RANBP2: variants seen among roughly 807,000 people sequenced by gnomAD.
The protein encoded by RANBP2 is E3 SUMO-protein ligase RanBP2.
In RANBP2, 57 loss-of-function variants were observed where a neutral mutation model predicts 303.6. That is an observed-to-expected ratio of 0.19 (90% confidence interval 0.15 to 0.23). The LOEUF is 0.23. Ranked by LOEUF, RANBP2 falls within the 10% of genes least tolerant of loss-of-function variation. RANBP2 has a pLI of 1.00. For missense variants in RANBP2, 3,138 were observed against 3,780.8 expected, an observed-to-expected ratio of 0.83 and a Z score of 4.46; for synonymous variants, 1,167 against 1,301.5, an observed-to-expected ratio of 0.90 and a Z score of 2.23.
chr2:109,447,379 G>A, the RANBP2 span, among the ~76,000 whole-genome samples: 1 of 152,034 alleles, frequency 6.6e-6, no homozygotes, highest in African/African-American at 2.4e-5. Context: ...TACTTCCCGT[G>A]GCCTCCAAAC....
the RANBP2 span, chr2:109,760,392 C>A: frequency 2.5e-6 from 1 of 401,898 alleles, no homozygotes. Context: ...GGGGGCCAGG[C>A]GGGGCGGGGG....
the RANBP2 span, among the ~76,000 whole-genome samples, chr2:108,942,059 C>T: frequency 5.9e-5 from 9 of 152,212 alleles, no homozygotes; most frequent in Non-Finnish European, 1.2e-4. Flanking sequence ...GGGCTTCTTC[C>T]GGAACCTGTG....
intron 6 of RANBP2, among the ~76,000 whole-genome samples, chr2:108,739,601 G>A (rs1695907076): frequency 2.0e-5 from 3 of 152,098 alleles, no homozygotes; most frequent in Admixed American, 2.0e-4. Flanking sequence ...CATGCTTCAC[G>A]TTTAAGTGTT....
At chr2:109,011,873 C>T in the RANBP2 span, among the ~76,000 whole-genome samples, 12 of 151,682 alleles carry the variant, frequency 7.9e-5, no homozygotes, top group African/African-American at 1.2e-4. Flanking sequence ...TATGTGTGTG[C>T]GTGTATGTGT....
chr2:109,191,385 G>A, the RANBP2 span, among the ~76,000 whole-genome samples: 1 of 152,234 alleles, frequency 6.6e-6, no homozygotes, highest in Non-Finnish European at 1.5e-5. Flanking sequence ...GGTCAGCTTA[G>A]TCTCTTGCAT....
At chr2:109,693,792 C>T in the RANBP2 span, among the ~76,000 whole-genome samples, 1 of 152,114 alleles carries the variant, frequency 6.6e-6, no homozygotes, top group Non-Finnish European at 1.5e-5. Context: ...CTCATGTCTC[C>T]CTAAAATTTA....
chr2:109,471,324 A>T, the RANBP2 span, among the ~76,000 whole-genome samples: 13 of 152,242 alleles, frequency 8.5e-5, no homozygotes, highest in African/African-American at 3.1e-4. Context: ...ACTTACAATC[A>T]TGGCGGAAGG....
the RANBP2 span, among the ~76,000 whole-genome samples, chr2:109,144,232 T>C: frequency 2.0e-5 from 3 of 152,262 alleles, no homozygotes; most frequent in Admixed American, 6.5e-5. Context: ...CGTGAGGTGA[T>C]AGATATATAT....
At chr2:109,011,415 C>T in the RANBP2 span, among the ~76,000 whole-genome samples, 1 of 152,248 alleles carries the variant, frequency 6.6e-6, no homozygotes, top group South Asian at 2.1e-4. Context: ...AGTGCCAAGC[C>T]ATCCTGATTC....
intron 1 of RANBP2, among the ~76,000 whole-genome samples, chr2:108,724,702 CT>C (rs763816648): frequency 1.4e-4 from 22 of 151,964 alleles, no homozygotes; most frequent in Non-Finnish European, 2.9e-4. Context: ...TTATTCTCCT[CT>C]TTTGTTTGTT....
At chr2:109,029,669 T>G in the RANBP2 span, among the ~76,000 whole-genome samples, 1 of 152,190 alleles carries the variant, frequency 6.6e-6, no homozygotes, top group African/African-American at 2.4e-5. Context: ...CTGGGATGCC[T>G]GCCTGCTGCC....
At chr2:109,402,505 G>T in the RANBP2 span, among the ~76,000 whole-genome samples, 1 of 152,224 alleles carries the variant, frequency 6.6e-6, no homozygotes. Context: ...ACGTGGAGTG[G>T]ACAGAGCAGG....
chr2:109,689,202 C>T, the RANBP2 span, among the ~76,000 whole-genome samples: 12 of 152,106 alleles, frequency 7.9e-5, no homozygotes, highest in Admixed American at 2.6e-4. Context: ...CCACCGTGCC[C>T]GGCCTGGATG....
chr2:109,714,675 C>T, the RANBP2 span, among the ~76,000 whole-genome samples: 4 of 132,366 alleles, frequency 3.0e-5, no homozygotes, highest in East Asian at 9.3e-4. Flanking sequence ...GCAGTGGTGC[C>T]ATTGGCTCAC....
the RANBP2 span, among the ~76,000 whole-genome samples, chr2:108,937,638 TTG>T: frequency 6.6e-6 from 1 of 151,792 alleles, no homozygotes; most frequent in Middle Eastern, 3.4e-3. Context: ...ATGTTTATGT[TTG>T]TGTGTGTATA....
the RANBP2 span, among the ~76,000 whole-genome samples, chr2:109,002,659 A>G: frequency 4.6e-5 from 7 of 152,220 alleles, no homozygotes; most frequent in Admixed American, 3.3e-4. Flanking sequence ...AGCAGGTGGG[A>G]GAGTCCCTCA....
At chr2:109,400,945 T>G in the RANBP2 span, among the ~76,000 whole-genome samples, 2 of 152,226 alleles carry the variant, frequency 1.3e-5, no homozygotes, top group African/African-American at 2.4e-5. Flanking sequence ...ACTCCACTCC[T>G]GACCTGGGCT....
At chr2:109,225,970 T>C in the RANBP2 span, among the ~76,000 whole-genome samples, 3 of 152,202 alleles carry the variant, frequency 2.0e-5, no homozygotes, top group Admixed American at 2.0e-4. Context: ...AATCTGTTGT[T>C]GGAGCTCTCC....
the RANBP2 span, among the ~76,000 whole-genome samples, chr2:109,438,699 G>C: frequency 1.3e-5 from 2 of 152,136 alleles, no homozygotes; most frequent in African/African-American, 2.4e-5. Context: ...CTTCAGCATG[G>C]TTTACGTGGA....
Sources: allele counts gnomAD v4.1 joint callset (sites outside exome capture counted in the v4.1 genomes callset), GRCh38; gene constraint gnomAD v4.1.1; transcripts MANE v1.5; gene names NCBI Gene and HGNC (gene_info 2026-07-23, HGNC 2026-07-21).